KANK1: variants seen among roughly 807,000 people sequenced by gnomAD.
The protein encoded by KANK1 is KN motif and ankyrin repeat domains 1.
A neutral mutation model predicts 106.2 loss-of-function variants in KANK1; 109 were observed. The observed-to-expected ratio is 1.03, with a 90% CI of 0.88 to 1.20. KANK1 has a LOEUF of 1.20. Ranked by LOEUF, KANK1 falls within the 50% of genes most tolerant of loss-of-function variation. KANK1 has a pLI of 0.00. For synonymous variants in KANK1, 873 were observed against 652.2 expected, an observed-to-expected ratio of 1.34 and a Z score of -5.16; for missense variants, 2,399 against 1,710.7, an observed-to-expected ratio of 1.40 and a Z score of -7.10.
chr9:682,876 G>C (rs1588882757), intron 2 of KANK1, among the ~76,000 whole-genome samples: 1 of 152,226 alleles, frequency 6.6e-6, no homozygotes. Flanking sequence ...GCTCATGGCA[G>C]GGTAGGCAGA....
chr9:525,499 C>A (rs768234493), intron 1 of KANK1, among the ~76,000 whole-genome samples: 1 of 151,358 alleles, frequency 6.6e-6, no homozygotes, highest in Middle Eastern at 3.2e-3. Flanking sequence ...CATGCCTCAG[C>A]CTCCTGAGTA....
chr9:521,565 CTT>C (rs35143391), intron 1 of KANK1, among the ~76,000 whole-genome samples: 73 of 118,732 alleles, frequency 6.1e-4, no homozygotes, highest in Middle Eastern at 4.6e-3. Flanking sequence ...CCTCCAGATT[CTT>C]TTTTTTTTTT....
chr9:658,273 C>G (rs1842566331), intron 1 of KANK1, among the ~76,000 whole-genome samples: 1 of 152,076 alleles, frequency 6.6e-6, no homozygotes, highest in South Asian at 2.1e-4. Flanking sequence ...TTTTACTCAT[C>G]CGCTTAAACC....
At chr9:722,611 T>C (rs946119489) in intron 3 of KANK1, among the ~76,000 whole-genome samples, 1 of 152,192 alleles carries the variant, frequency 6.6e-6, no homozygotes, top group Admixed American at 6.5e-5. Flanking sequence ...GTTCAGAGAA[T>C]TGTTTATAGG....
chr9:569,848 A>G (rs1818728840), intron 1 of KANK1, among the ~76,000 whole-genome samples: 2 of 151,390 alleles, frequency 1.3e-5, no homozygotes, highest in African/African-American at 4.9e-5. Flanking sequence ...TCTCATTTCA[A>G]TATGTAGTTC....
chr9:508,784 T>C (rs1333371180), intron 1 of KANK1, among the ~76,000 whole-genome samples: 1 of 146,316 alleles, frequency 6.8e-6, no homozygotes, highest in Non-Finnish European at 1.5e-5. Flanking sequence ...TTTATCAATT[T>C]TTAGGTTTGA....
intron 1 of KANK1, among the ~76,000 whole-genome samples, chr9:596,632 G>A (rs751163457): frequency 1.3e-5 from 2 of 151,696 alleles, no homozygotes; most frequent in East Asian, 1.9e-4. Flanking sequence ...CCACTGTCTC[G>A]TTATGTCATG....
intron 1 of KANK1, among the ~76,000 whole-genome samples, chr9:670,525 C>T (rs566353692): frequency 6.6e-6 from 1 of 152,104 alleles, no homozygotes; most frequent in African/African-American, 2.4e-5. Flanking sequence ...GGGGAGGTTG[C>T]AAAGGAGCTA....
At chr9:611,911 G>C (rs967410024) in intron 1 of KANK1, among the ~76,000 whole-genome samples, 1 of 152,112 alleles carries the variant, frequency 6.6e-6, no homozygotes, top group African/African-American at 2.4e-5. Flanking sequence ...GTAGAGATGG[G>C]GTTTCACCGT....
intron 1 of KANK1, among the ~76,000 whole-genome samples, chr9:539,006 G>C (rs1010100952): frequency 2.0e-5 from 3 of 151,874 alleles, no homozygotes; most frequent in Non-Finnish European, 4.4e-5. Context: ...TCAGCCTCCC[G>C]AGTAGCTGGG....
intron 1 of KANK1, among the ~76,000 whole-genome samples, chr9:645,238 C>G (rs558874964): frequency 6.7e-6 from 1 of 148,708 alleles, no homozygotes; most frequent in Admixed American, 6.7e-5. Flanking sequence ...GTCAGGAGTT[C>G]AAGATCAGCC....
intron 1 of KANK1, among the ~76,000 whole-genome samples, chr9:631,416 G>C (rs1407270031): frequency 6.6e-6 from 1 of 152,056 alleles, no homozygotes; most frequent in East Asian, 1.9e-4. Flanking sequence ...ATCTCCTTGA[G>C]GACCATCAAC....
intron 1 of KANK1, among the ~76,000 whole-genome samples, chr9:573,756 C>G (rs554134528): frequency 8.1e-4 from 117 of 143,824 alleles, no homozygotes; most frequent in Non-Finnish European, 1.2e-3. Context: ...GGTTTGCTTT[C>G]GAAATCCTGA....
At chr9:557,106 C>T (rs2061638300) in intron 1 of KANK1, among the ~76,000 whole-genome samples, 1 of 151,008 alleles carries the variant, frequency 6.6e-6, no homozygotes, top group Non-Finnish European at 1.5e-5. Flanking sequence ...TCACATGAGC[C>T]TGAGAGGTTG....
rs906826453 is a variant in KANK1 at position 732,420 on chromosome 9, C to T, written c.3048C>T (p.Ser1016=). 1.9e-6 allele frequency: 3 copies of T among 1,613,970 alleles called. No homozygotes were observed. Among genetic ancestry groups the T allele is most frequent in the Non-Finnish European group, 1.7e-6 (2 of 1,179,976 alleles). ...GTGATGATTCCAGCTCAGATGAAAG[C>T]TCTTCTTCCGAGTCAGATGACGAGT... ...TSSDDSSSDE[S]SSSESDDECD... is the part of the protein sequence containing the mutation. The change falls in exon 6 of 12, where the codon AGC becomes AGT. Residue 1016 remains serine (S), a synonymous_variant. Transcript: ENST00000382297.
At chr9:666,167 C>G (rs1015481074) in intron 1 of KANK1, among the ~76,000 whole-genome samples, 1 of 150,356 alleles carries the variant, frequency 6.7e-6, no homozygotes, top group Non-Finnish European at 1.5e-5. Flanking sequence ...GGTGACAGAG[C>G]AAAACCCTGT....
intron 1 of KANK1, among the ~76,000 whole-genome samples, chr9:588,341 G>C (rs932063999): frequency 2.6e-5 from 4 of 151,938 alleles, no homozygotes; most frequent in Admixed American, 2.6e-4. Flanking sequence ...TTTACTTTTA[G>C]AAATAACATT....
intron 3 of KANK1, among the ~76,000 whole-genome samples, chr9:725,997 C>G (rs1399575219): frequency 3.3e-5 from 5 of 152,074 alleles, no homozygotes; most frequent in Non-Finnish European, 7.4e-5. Flanking sequence ...GTTATAGTAG[C>G]CTGTGACTCT....
intron 1 of KANK1, among the ~76,000 whole-genome samples, chr9:612,264 G>A (rs911145338): frequency 6.6e-6 from 1 of 152,128 alleles, no homozygotes; most frequent in Non-Finnish European, 1.5e-5. Context: ...TGTGATTTTT[G>A]CAATCTGTGT....
Sources: allele counts gnomAD v4.1 joint callset (sites outside exome capture counted in the v4.1 genomes callset), GRCh38; gene constraint gnomAD v4.1.1; transcripts MANE v1.5; gene names NCBI Gene and HGNC (gene_info 2026-07-23, HGNC 2026-07-21).